TRAPPC9: variants seen among roughly 807,000 people sequenced by gnomAD.
The protein encoded by TRAPPC9 is trafficking protein particle complex subunit 9.
A neutral mutation model predicts 124.0 loss-of-function variants in TRAPPC9; 83 were observed. That is an observed-to-expected ratio of 0.67 (90% CI 0.56 to 0.80). The LOEUF (loss-of-function observed/expected upper bound fraction) is 0.80. Among genes scored for constraint, TRAPPC9 ranks in the 30% least tolerant of loss-of-function variants. TRAPPC9 has a pLI of 0.00. For missense variants in TRAPPC9, 1,302 were observed against 1,508.3 expected (o/e 0.86, Z 2.27); for synonymous variants, 638 against 617.5 (o/e 1.03, Z -0.49).
chr8:140,088,688 T>C (rs548577094), intron 17 of TRAPPC9, among the ~76,000 whole-genome samples: 2 of 152,234 alleles, frequency 1.3e-5, no homozygotes, highest in South Asian at 2.1e-4. Flanking sequence ...CTTCCTCAGG[T>C]TTTTCACAAT....
intron 19 of TRAPPC9, among the ~76,000 whole-genome samples, chr8:139,976,701 G>T (rs1836500898): frequency 6.6e-6 from 1 of 152,254 alleles, no homozygotes. Context: ...ACAGGGAGAA[G>T]CCACAGGCCA....
chr8:140,456,547 C>T (rs1374805063), intron 1 of TRAPPC9, among the ~76,000 whole-genome samples: 5 of 151,770 alleles, frequency 3.3e-5, no homozygotes, highest in African/African-American at 1.2e-4. Context: ...TACATGTTTC[C>T]GGACAACTGT....
intron 21 of TRAPPC9, among the ~76,000 whole-genome samples, chr8:139,747,695 TG>T (rs370514487): frequency 3.2e-4 from 4 of 12,504 alleles, no homozygotes; most frequent in Admixed American, 1.1e-3. Context: ...AGAGTGGGTG[TG>T]GGGGGTGTCC....
At chr8:140,074,803 G>C (rs959078515) in intron 17 of TRAPPC9, among the ~76,000 whole-genome samples, 1 of 152,138 alleles carries the variant, frequency 6.6e-6, no homozygotes, top group Admixed American at 6.5e-5. Context: ...TTCAGGAAGA[G>C]AGAACGTCGG....
At chr8:140,318,445 A>G (rs2066497466) in intron 9 of TRAPPC9, among the ~76,000 whole-genome samples, 4 of 152,182 alleles carry the variant, frequency 2.6e-5, no homozygotes. Flanking sequence ...CATATTCACC[A>G]TGCTGTGCAA....
intron 21 of TRAPPC9, among the ~76,000 whole-genome samples, chr8:139,846,391 G>T (rs554529676): frequency 1.3e-5 from 2 of 152,176 alleles, no homozygotes; most frequent in South Asian, 4.1e-4. Flanking sequence ...CATGGCCCAC[G>T]ACCAGGCCCC....
chr8:140,208,737 C>A (rs1417734324), intron 17 of TRAPPC9, among the ~76,000 whole-genome samples: 2 of 152,228 alleles, frequency 1.3e-5, no homozygotes, highest in Non-Finnish European at 2.9e-5. Flanking sequence ...CACTCTGATC[C>A]ATGGACACAA....
chr8:140,072,471 C>G (rs1239988948), intron 17 of TRAPPC9, among the ~76,000 whole-genome samples: 1 of 151,256 alleles, frequency 6.6e-6, no homozygotes, highest in African/African-American at 2.4e-5. Context: ...TGAGCCGAGA[C>G]TGCGCCACTG....
At chr8:140,419,428 CAAAAAAA>C (rs61155157) in intron 5 of TRAPPC9, among the ~76,000 whole-genome samples, 73 of 79,586 alleles carry the variant, frequency 9.2e-4, no homozygotes, top group African/African-American at 2.8e-3. Flanking sequence ...GACTCCGTCT[CAAAAAAA>C]AAAAAAAAAA....
intron 7 of TRAPPC9, among the ~76,000 whole-genome samples, chr8:140,371,973 G>A (rs140391357): frequency 4.1e-4 from 62 of 152,332 alleles, no homozygotes; most frequent in Middle Eastern, 3.4e-3. Flanking sequence ...AAAGTGCTGG[G>A]ATTACAGGTG....
intron 15 of TRAPPC9, among the ~76,000 whole-genome samples, chr8:140,260,101 G>C (rs763060568): frequency 9.2e-5 from 14 of 152,110 alleles, no homozygotes; most frequent in South Asian, 8.3e-4. Flanking sequence ...TATACATTAC[G>C]CTTTTATAAA....
At position 139,730,795 on chromosome 8, in the gene TRAPPC9, C is replaced by T; in HGVS notation, c.*266G>A. On this transcript the variant is annotated 3_prime_UTR_variant, in exon 23 of 23. Transcript: ENST00000438773. ...GGGACCTGGGCTGGATGGGCACCCG[C>T]TTTGGGATTTCCTCTGCTTCAGCCT... is the stretch of plus-strand genomic sequence containing the variant. The T allele has an allele frequency of 1.9e-6, 1 of 514,546 alleles. No individual in the cohort carries two copies. Among genetic ancestry groups the T allele is most frequent in the East Asian group, 3.3e-5 (1 of 30,012 alleles). The allele number at this position is 514,546 out of a possible 1,614,324, so 31.9% of individuals were successfully genotyped here. A position where few individuals can be genotyped will look rare whatever the true frequency, so the allele number is the denominator to read the frequency against.
intron 9 of TRAPPC9, among the ~76,000 whole-genome samples, chr8:140,313,045 C>T (rs529481579): frequency 5.9e-4 from 90 of 152,182 alleles, no homozygotes; most frequent in Non-Finnish European, 1.0e-3. Context: ...CAGGCATGAG[C>T]CATCACACCC....
intron 17 of TRAPPC9, among the ~76,000 whole-genome samples, chr8:140,138,359 A>C (rs1333780580): frequency 6.6e-6 from 1 of 152,166 alleles, no homozygotes; most frequent in Non-Finnish European, 1.5e-5. Flanking sequence ...AGTGTACTAA[A>C]CTATGTGTTA....
chr8:139,955,128 T>C (rs1478085964), intron 19 of TRAPPC9, among the ~76,000 whole-genome samples: 4 of 152,170 alleles, frequency 2.6e-5, no homozygotes, highest in Admixed American at 6.5e-5. Context: ...ACATTTTTTC[T>C]TGTGAAAGGG....
At chr8:140,259,457 C>G (rs1588029740) in intron 15 of TRAPPC9, among the ~76,000 whole-genome samples, 1 of 152,320 alleles carries the variant, frequency 6.6e-6, no homozygotes, top group South Asian at 2.1e-4. Context: ...CAAACCCCAG[C>G]TTCAGGACAA....
At chr8:139,732,407 T>A (rs2129943768) in intron 21 of TRAPPC9, among the ~76,000 whole-genome samples, 1 of 152,240 alleles carries the variant, frequency 6.6e-6, no homozygotes, top group South Asian at 2.1e-4. Context: ...ACGGGTGTGG[T>A]GGCTAGAGCT....
In TRAPPC9 at chr8:139,796,082, GAGA is replaced by G. The variant is rs1475409222; in HGVS notation, c.3056-63883_3056-63881del. Among the ~76,000 whole-genome samples, 41 of 145,000 alleles carry G rather than the reference GAGA, an allele frequency of 2.8e-4. No individual in the cohort carries two copies. In the South Asian group the frequency reaches 3.1e-3, roughly 11 times the overall value. Reference sequence around the variant, plus strand: ...AGAGGAAGAAGAGGAGGAGGAAGAGGAGAAGGAGGAGGAAGAGGAGGAGGAAGA... The same window carrying G: ...AGAGGAAGAAGAGGAGGAGGAAGAGGAGGAGGAGGAAGAGGAGGAGGAAGA... On this transcript the variant is annotated intron_variant, in intron 21 of 22. Coordinates refer to ENST00000438773, the MANE Select transcript of TRAPPC9 (RefSeq NM_001160372.4).
intron 17 of TRAPPC9, among the ~76,000 whole-genome samples, chr8:140,162,247 C>T (rs1343074811): frequency 1.3e-5 from 2 of 152,180 alleles, no homozygotes; most frequent in Non-Finnish European, 2.9e-5. Context: ...TCCCTCCCCT[C>T]CTGCCACTCC....
Sources: allele counts gnomAD v4.1 joint callset (sites outside exome capture counted in the v4.1 genomes callset), GRCh38; gene constraint gnomAD v4.1.1; transcripts MANE v1.5; gene names NCBI Gene and HGNC (gene_info 2026-07-23, HGNC 2026-07-21).